Variants in PNKP observed in about 807,000 individuals in gnomAD.
PNKP encodes the protein polynucleotide kinase 3'-phosphatase.
In PNKP, 82 loss-of-function variants were observed where a neutral mutation model predicts 66.2. The ratio of observed to expected loss-of-function variants is 1.24; its 90% CI spans 1.04 to 1.49. The LOEUF (loss-of-function observed/expected upper bound fraction) is 1.49, where lower values mean the gene tolerates loss of function less well. Among genes scored for constraint, PNKP ranks in the 40% most tolerant of loss-of-function variants. PNKP has a pLI of 0.00. For missense variants in PNKP, 907 were observed against 706.8 expected, an observed-to-expected ratio of 1.28 and a Z score of -3.21; for synonymous variants, 412 against 298.9, an observed-to-expected ratio of 1.38 and a Z score of -3.90.
In PNKP at chr19:49,863,691, G is replaced by C; in HGVS notation, c.814C>G (p.Gln272Glu). Reference sequence around the variant, plus strand: ...GCCGGGCAGGCTGCAAGACTCACCTGCTCCTGCAGATGGTCCCACATGCCC... The same window carrying C: ...GCCGGGCAGGCTGCAAGACTCACCTCCTCCTGCAGATGGTCCCACATGCCC... Reference protein sequence around the residue: ...VTGMWDHLQEQANDGTPISIG... With the variant: ...VTGMWDHLQEEANDGTPISIG... The change falls in exon 8 of 17, where the codon CAG (glutamine) becomes GAG (glutamate). Residue 272 changes from glutamine (Q) to glutamate (E), a missense_variant and splice_region_variant. Gln to Glu is a conservative substitution (Grantham distance 29). Coordinates refer to ENST00000322344, the MANE Select transcript of PNKP (RefSeq NM_007254.4). 1.3e-6 allele frequency: 2 copies of C among 1,553,018 alleles called. No individual in the cohort carries two copies. Among genetic ancestry groups the C allele is most frequent in the South Asian group, 1.2e-5 (1 of 84,290 alleles).
chr19:49,862,009 A>G (rs759892733), intron 13 of PNKP, 35 bp downstream of exon 13: 1 of 1,612,182 alleles, frequency 6.2e-7, no homozygotes, highest in South Asian at 1.1e-5. Context: ...TGGGAACTTT[A>G]TAATAGATTT....
chr19:49,861,838 GTC>G lies in PNKP; in HGVS notation c.1230_1231del (p.Glu410AspfsTer83), dbSNP rs1064794452. The G allele has an allele frequency of 2.5e-6, 4 of 1,593,002 alleles. No homozygotes were observed. The highest frequency in any genetic ancestry group is 3.4e-6 in the Non-Finnish European group (4 of 1,172,382). On this transcript the variant is annotated frameshift_variant, in exon 14 of 17. Transcript: ENST00000322344. LOFTEE classifies it high-confidence loss of function. ...GACCCGTTTCCCTTGCTTCAGGGCT[GTC>G]TCACACGTGGTCACACAGCGCTGCC...
chr19:49,861,493 G>A lies in PNKP; in HGVS notation c.1404C>T (p.Asp468=), dbSNP rs879166580. ...RHNNRFREMT[D]SSHIPVSDMV... ...TGTCTGACACGGGGATATGAGAGGA[G>A]TCCGTCATCTCTCGAAACTGTGGGG... Residue 468 remains aspartate (D), a synonymous_variant, in exon 16 of 17, where the codon GAC becomes GAT. Transcript: ENST00000322344. 6.2e-7 allele frequency: 1 copy of A among 1,613,218 alleles called. No homozygotes were observed. Among genetic ancestry groups the A allele is most frequent in the South Asian group, 1.1e-5 (1 of 91,044 alleles).
chr19:49,866,803 G>T, intron 2 of PNKP: 1 of 600,858 alleles, frequency 1.7e-6, no homozygotes, highest in Non-Finnish European at 3.0e-6. Context: ...CCTGTTTCTG[G>T]ATTTCCCGAT....
chr19:49,861,629 C>G lies in PNKP; in HGVS notation c.1365G>C (p.Glu455Asp), dbSNP rs929075083. Reference protein sequence around the residue: ...CRCFLFTATLEQARHNNRFRE... With the variant: ...CRCFLFTATLDQARHNNRFRE... ...TCACCCGGTTGTTGTGGCGCGCCTGCTCCAGAGTGGCGGTGAAGAGGAAGC... is the reference window on the plus strand; with the variant it reads ...TCACCCGGTTGTTGTGGCGCGCCTGGTCCAGAGTGGCGGTGAAGAGGAAGC... The change falls in exon 15 of 17, where the codon GAG becomes GAC. Residue 455 changes from glutamate (E) to aspartate (D), a missense_variant. Glu to Asp is a conservative substitution (Grantham distance 45). Coordinates refer to ENST00000322344, the MANE Select transcript of PNKP (RefSeq NM_007254.4). The G allele has an allele frequency of 1.3e-6, 2 of 1,555,264 alleles. No individual in the cohort carries two copies. Among genetic ancestry groups the G allele is most frequent in the African/African-American group, 2.7e-5 (2 of 73,440 alleles).
In PNKP at chr19:49,862,711, C is replaced by G; in HGVS notation, c.844G>C (p.Gly282Arg). 1 of 1,614,104 alleles carries G rather than the reference C, an allele frequency of 6.2e-7. No homozygotes were observed. Among genetic ancestry groups the G allele is most frequent in the Non-Finnish European group, 8.5e-7 (1 of 1,179,966 alleles). Reference sequence around the variant, plus strand: ...TTACCTCCCACAAAGATGCTGTCCCCGATGGATATGGGCGTGCCGTCGTTG... The same window carrying G: ...TTACCTCCCACAAAGATGCTGTCCCGGATGGATATGGGCGTGCCGTCGTTG... The part of the protein sequence containing the change: ...QANDGTPISI[G>R]DSIFVGDAAG... Residue 282 changes from glycine to arginine, a missense_variant, in exon 9 of 17, where the codon GGG becomes CGG. By Grantham distance (125) the Gly-to-Arg change is moderately radical. Transcript: ENST00000322344.
At chr19:49,867,401 T>C in intron 1 of PNKP, 68 bp downstream of exon 1, 3 of 631,250 alleles carry the variant, frequency 4.8e-6, no homozygotes, top group Non-Finnish European at 8.3e-6. Flanking sequence ...CTCCCCGAGT[T>C]GCAATCCCCA....
Position 49,866,385 on chromosome 19 carries a change from A to C in PNKP, c.198+14T>G. The stretch of plus-strand genomic sequence containing the variant: ...ATCCCCAGGCCTTGCTGGCCCTTGC[A>C]GAGGCACTGATACCTGTTTCACTGC... On this transcript the variant is annotated intron_variant, in intron 3 of 16. Transcript: ENST00000322344. 2 of 1,612,680 alleles carry C rather than the reference A, an allele frequency of 1.2e-6. No homozygotes were observed. Among genetic ancestry groups the C allele is most frequent in the Non-Finnish European group, 1.7e-6 (2 of 1,178,672 alleles).
At chr19:49,861,400 A>C in intron 16 of PNKP, 35 bp from the exon 17 acceptor site, 2 of 1,613,898 alleles carry the variant, frequency 1.2e-6, no homozygotes, top group Non-Finnish European at 1.7e-6. Context: ...GACAGCCTGG[A>C]TCATGTGGCC....
intron 8 of PNKP, 47 bp from the exon 9 acceptor site, chr19:49,862,785 G>T (rs3739198): frequency 1.2e-6 from 2 of 1,604,008 alleles, no homozygotes; most frequent in Non-Finnish European, 8.5e-7. Flanking sequence ...ATGTCCCCCC[G>T]CAGCGGTAGC....
Position 49,866,546 on chromosome 19 carries a change from T to C in PNKP, c.152-101A>G. 3 of 1,103,262 alleles carry C rather than the reference T, an allele frequency of 2.7e-6. No homozygotes were observed. In the East Asian group the frequency reaches 7.1e-5, roughly 26 times the overall value. 68.3% of individuals were successfully genotyped at this position (1,103,262 alleles called of 1,614,324 possible). On this transcript the variant is annotated intron_variant, in intron 2 of 16. Transcript: ENST00000322344. ...GCTTCAGGCTATAGCATCCAGGGAG[T>C]AAGAGGCAGTTTATTTCTACATGGG...
At chr19:49,867,003 G>C (rs1357173500) in intron 2 of PNKP, 51 bp downstream of exon 2, 1 of 1,585,618 alleles carries the variant, frequency 6.3e-7, no homozygotes, top group Admixed American at 1.7e-5. Flanking sequence ...CCTCTGGATT[G>C]TTCCCGCTTT....
At chr19:49,861,966 G>A (rs2074772288) in intron 13 of PNKP, 78 bp downstream of exon 13, 5 of 1,592,052 alleles carry the variant, frequency 3.1e-6, no homozygotes, top group Non-Finnish European at 4.3e-6. Context: ...AATGATGGAG[G>A]AAAGCCGCCC....
Position 49,862,209 on chromosome 19 carries a change from C to A in PNKP, c.1102G>T (p.Val368Phe). 6.2e-7 allele frequency: 1 copy of A among 1,613,586 alleles called. No individual in the cohort carries two copies. The highest frequency in any genetic ancestry group is 8.5e-7 in the Non-Finnish European group (1 of 1,179,774). The change falls in exon 12 of 17, where the codon GTT (valine) becomes TTT (phenylalanine). Residue 368 changes from valine to phenylalanine, a missense_variant. Val to Phe is a conservative substitution (Grantham distance 50). Coordinates refer to ENST00000322344, the MANE Select transcript of PNKP (RefSeq NM_007254.4). ...RALLSASPEVVVAVGFPGAGK... is the reference protein window; with the variant it reads ...RALLSASPEVFVAVGFPGAGK... ...CCCCCAGGGAATCCCACTGCGACAACCACCTCCGGGCTGGCGCTCAGGAGG... is the reference window on the plus strand; with the variant it reads ...CCCCCAGGGAATCCCACTGCGACAAACACCTCCGGGCTGGCGCTCAGGAGG...
chr19:49,866,837 G>T, intron 2 of PNKP: 1 of 619,826 alleles, frequency 1.6e-6, no homozygotes, highest in Non-Finnish European at 2.9e-6. Flanking sequence ...TCCGCGCAGT[G>T]AACATCCTCC....
chr19:49,867,070 C>T lies in PNKP; in HGVS notation c.135G>A (p.Lys45=), dbSNP rs1338560494. The T allele has an allele frequency of 6.2e-6, 10 of 1,613,986 alleles. No homozygotes were observed. The highest frequency in any genetic ancestry group is 1.7e-5 in the Admixed American group (1 of 60,034). The change falls in exon 2 of 17, where the codon AAG becomes AAA. Residue 45 remains lysine (K), a synonymous_variant. Coordinates refer to ENST00000322344, the MANE Select transcript of PNKP (RefSeq NM_007254.4). ...RGPLTQVTDR[K]CSRTQVELVA... Reference sequence around the variant, plus strand: ...CCCGCTCACCTTGAGTTCTGGAGCACTTCCGGTCCGTAACCTGGGTCAGGG... The same window carrying T: ...CCCGCTCACCTTGAGTTCTGGAGCATTTCCGGTCCGTAACCTGGGTCAGGG...
Position 49,862,035 on chromosome 19 carries a change from TG to T in PNKP, c.1188+8del, listed in dbSNP as rs763782151. On this transcript the variant is annotated splice_region_variant and intron_variant, in intron 13 of 16. Transcript: ENST00000322344. ...TAATAGATTTGGGGCGGCAAAAGCC[TG>T]GTCATACCCTGTTCACGTGGACATA... The T allele has an allele frequency of 1.5e-4, 247 of 1,613,860 alleles. No individual in the cohort carries two copies. The highest frequency in any genetic ancestry group is 1.9e-4 in the Non-Finnish European group (219 of 1,179,880).
rs746254179 is a variant in PNKP at position 49,862,729 on chromosome 19, C to T, written c.826G>A (p.Gly276Ser). 6 of 1,613,980 alleles carry T rather than the reference C, an allele frequency of 3.7e-6. No individual in the cohort carries two copies. In the East Asian group the frequency reaches 6.7e-5, roughly 18 times the overall value. ...CTGTCCCCGATGGATATGGGCGTGC[C>T]GTCGTTGGCCTACGGGAGACGGTAG... ...WDHLQEQANDGTPISIGDSIF... is the reference protein window; with the variant it reads ...WDHLQEQANDSTPISIGDSIF... The change falls in exon 9 of 17, where the codon GGC (glycine) becomes AGC (serine). Residue 276 changes from glycine (G) to serine (S), a missense_variant. Transcript: ENST00000322344.
chr19:49,866,579 C>A (rs2074822527), intron 2 of PNKP, 134 bp from the exon 3 acceptor site: 2 of 826,576 alleles, frequency 2.4e-6, no homozygotes, highest in East Asian at 2.5e-5. Context: ...GGGATTGGCT[C>A]CTTGACATGC....
Sources: allele counts gnomAD v4.1 joint callset, GRCh38; gene constraint gnomAD v4.1.1; transcripts MANE v1.5; gene names NCBI Gene and HGNC (gene_info 2026-07-23, HGNC 2026-07-21).